The following LPA variants were observed in gnomAD, a reference collection of about 807,000 sequenced individuals.
LPA encodes the protein apolipoprotein(a).
LPA carries 199 observed loss-of-function variants against 197.9 expected under a neutral mutation model. The observed-to-expected ratio is 1.01, with a 90% CI of 0.90 to 1.13. The LOEUF (loss-of-function observed/expected upper bound fraction) is 1.13. LPA is among the 50% of genes most tolerant of loss of function. LPA has a pLI of 0.00. For missense variants in LPA, 1,853 were observed against 1,785.8 expected (o/e 1.04, Z -0.68); for synonymous variants, 715 against 639.5 (o/e 1.12, Z -1.78).
In LPA at chr6:160,537,866, C is replaced by G. The variant is rs201962872; in HGVS notation, c.5831G>C (p.Gly1944Ala). Reference protein sequence around the residue: ...ARTECYITGWGETQGTFGTGL... With the variant: ...ARTECYITGWAETQGTFGTGL... ...GGAATTGATCTCACCTTGGGTTTCT[C>G]CCCAGCCAGTGATGTAACATTCAGT... is the stretch of plus-strand genomic sequence containing the variant. The change falls in exon 37 of 39, where the codon GGA becomes GCA. Residue 1944 changes from glycine to alanine, a missense_variant. By Grantham distance (60) the Gly-to-Ala change is moderately conservative. Coordinates refer to ENST00000316300, the MANE Select transcript of LPA (RefSeq NM_005577.4). 9 of 1,614,116 alleles carry G rather than the reference C, an allele frequency of 5.6e-6. No individual in the cohort carries two copies. Among genetic ancestry groups the G allele is most frequent in the Non-Finnish European group, 7.6e-6 (9 of 1,179,968 alleles).
At chr6:160,573,062 C>T (rs1323398450) in intron 28 of LPA, among the ~76,000 whole-genome samples, 1 of 152,054 alleles carries the variant, frequency 6.6e-6, no homozygotes, top group Non-Finnish European at 1.5e-5. Context: ...TCCTCAGGAG[C>T]CACGATTATT....
At chr6:160,589,810 A>C (rs1245059957) in intron 23 of LPA, 98 bp from the exon 24 acceptor site, 1 of 1,375,406 alleles carries the variant, frequency 7.3e-7, no homozygotes, top group Non-Finnish European at 1.0e-6. Context: ...ATCTCTGAAA[A>C]TGACGACCAT....
At chr6:160,647,426 G>T (rs1779915507) in intron 2 of LPA, among the ~76,000 whole-genome samples, 1 of 152,044 alleles carries the variant, frequency 6.6e-6, no homozygotes. Context: ...TATGGGCCAT[G>T]GGGATCCAAC....
chr6:160,600,794 A>G, intron 19 of LPA, 123 bp downstream of exon 19: 3 of 1,137,718 alleles, frequency 2.6e-6, no homozygotes, highest in Non-Finnish European at 3.9e-6. Flanking sequence ...TTCCTCCCAC[A>G]TGGCAGACCC....
At chr6:160,634,990 TC>T (rs1355515958) in intron 7 of LPA, 132 bp downstream of exon 7, 36 of 1,504,504 alleles carry the variant, frequency 2.4e-5, no homozygotes, top group South Asian at 3.4e-5. Context: ...CACGGAGGCT[TC>T]CCCCAACATG....
Position 160,648,558 on chromosome 6 carries a change from G to A in LPA, c.209+1780C>T, listed in dbSNP as rs569828123. 1.8e-4 allele frequency among the ~76,000 whole-genome samples: 27 copies of A among 151,960 alleles called. No individual in the cohort carries two copies. In the South Asian group the frequency reaches 5.6e-3, roughly 32 times the overall value. On this transcript the variant is annotated intron_variant, in intron 2 of 38. Coordinates refer to ENST00000316300, the MANE Select transcript of LPA (RefSeq NM_005577.4). ...ATTTCATTTTTCAGCATTTGTGGAT[G>A]TGTGTGTGTGTTTGTAAGCTTATAC... is the stretch of plus-strand genomic sequence containing the variant.
chr6:160,593,113 A>T (rs1258111970), intron 22 of LPA, among the ~76,000 whole-genome samples: 2 of 152,170 alleles, frequency 1.3e-5, no homozygotes, highest in African/African-American at 4.8e-5. Context: ...AGCCTAGAAT[A>T]CGTCAGATGC....
chr6:160,652,438 C>A (rs1309434094), intron 1 of LPA, among the ~76,000 whole-genome samples: 2 of 152,078 alleles, frequency 1.3e-5, no homozygotes, highest in Admixed American at 1.3e-4. Context: ...AGTATCTATA[C>A]TCAGCAAAAT....
intron 30 of LPA, among the ~76,000 whole-genome samples, chr6:160,555,000 T>A (rs1778230798): frequency 3.3e-5 from 5 of 152,232 alleles, no homozygotes; most frequent in Admixed American, 3.3e-4. Flanking sequence ...CTGTACTGTC[T>A]CTTGTCCAAC....
chr6:160,584,218 CTTCTTCTTCTTCTTCT>C (rs1778855871), intron 26 of LPA, among the ~76,000 whole-genome samples: 1 of 121,344 alleles, frequency 8.2e-6, no homozygotes. Flanking sequence ...TCTTCTTCTT[CTTCTTCTTCTTCTTCT>C]TCTTCCTCCT....
intron 21 of LPA, 24 bp downstream of exon 21, chr6:160,595,330 G>A: frequency 1.9e-6 from 3 of 1,610,448 alleles, no homozygotes; most frequent in Non-Finnish European, 2.5e-6. Context: ...CTAGGGTGTG[G>A]TTGTCTGGCC....
Position 160,578,556 on chromosome 6 carries a change from G to C in LPA, c.4438C>G (p.Pro1480Ala), listed in dbSNP as rs1393526658. The change falls in exon 27 of 39, where the codon CCG (proline) becomes GCG (alanine). Residue 1480 changes from proline (P) to alanine (A), a missense_variant. Physicochemically the swap from Pro to Ala is conservative, Grantham distance 27 (BLOSUM62 -1). Around this residue, in one of 3 missense-constraint regions of LPA, gnomAD observed 1,737 missense variants for 1,504.4 expected, o/e 1.15. Transcript: ENST00000316300. ...SSVLTTPTVA[P>A]VPSTEAPSEQ... Reference sequence around the variant, plus strand: ...GAAGGAGCCTCTGTGCTTGGAACCGGGGCCACTGTGGGAGTTGTGAGGACA... The same window carrying C: ...GAAGGAGCCTCTGTGCTTGGAACCGCGGCCACTGTGGGAGTTGTGAGGACA... 5.0e-6 allele frequency: 8 copies of C among 1,613,868 alleles called. No individual in the cohort carries two copies. The highest frequency in any genetic ancestry group is 5.9e-6 in the Non-Finnish European group (7 of 1,179,788).
At position 160,606,630 on chromosome 6, in the gene LPA, G is replaced by A. The variant is rs1190907967; in HGVS notation, c.2632C>T (p.Pro878Ser). 1 of 1,613,886 alleles carries A rather than the reference G, an allele frequency of 6.2e-7. No homozygotes were observed. Among genetic ancestry groups the A allele is most frequent in the Non-Finnish European group, 8.5e-7 (1 of 1,179,974 alleles). ...CAATAAGGGGCTGCCACAGGATCTG[G>A]ATTCCTGCAGTAGTTCATGATCAAG... ...AGLIMNYCRN[P>S]DPVAAPYCYT... The change falls in exon 17 of 39, where the codon CCA (proline) becomes TCA (serine). Residue 878 changes from proline (P) to serine (S), a missense_variant. This residue lies in a region of LPA where 1,737 missense variants were observed against 1,504.4 expected (regional missense o/e 1.15). Coordinates refer to ENST00000316300, the MANE Select transcript of LPA (RefSeq NM_005577.4).
At chr6:160,652,404 T>C (rs560186441) in intron 1 of LPA, among the ~76,000 whole-genome samples, 12 of 152,250 alleles carry the variant, frequency 7.9e-5, no homozygotes, top group African/African-American at 2.6e-4. Context: ...GTTAAAATGA[T>C]ACAAGGAATG....
At chr6:160,584,697 A>C (rs1016550239) in intron 26 of LPA, among the ~76,000 whole-genome samples, 1 of 152,092 alleles carries the variant, frequency 6.6e-6, no homozygotes, top group South Asian at 2.1e-4. Context: ...GGAATGGAGG[A>C]TAGAATGATA....
intron 17 of LPA, among the ~76,000 whole-genome samples, 200 bp downstream of exon 17, chr6:160,606,277 G>T (rs1779348523): frequency 6.6e-6 from 1 of 152,156 alleles, no homozygotes; most frequent in African/African-American, 2.4e-5. Flanking sequence ...CAATTCTAAA[G>T]ACACAGCCCA....
chr6:160,581,178 A>G (rs540921730), intron 26 of LPA, among the ~76,000 whole-genome samples: 8 of 152,128 alleles, frequency 5.3e-5, no homozygotes, highest in Non-Finnish European at 1.0e-4. Context: ...TTGGAAAAAA[A>G]TTTCCTCATT....
chr6:160,535,211 C>G (rs200796704), intron 37 of LPA, among the ~76,000 whole-genome samples: 11 of 80 alleles, frequency 0.14, 2 homozygotes, highest in African/African-American at 0.15. Flanking sequence ...AATGATAATA[C>G]AGATGAGGAA....
At chr6:160,571,065 C>T (rs1269292396) in intron 28 of LPA, among the ~76,000 whole-genome samples, 1 of 152,232 alleles carries the variant, frequency 6.6e-6, no homozygotes, top group East Asian at 1.9e-4. Context: ...TTGTTCATTC[C>T]TTTTCATTCT....
Sources: allele counts gnomAD v4.1 joint callset (sites outside exome capture counted in the v4.1 genomes callset), GRCh38; gene constraint gnomAD v4.1.1; regional missense constraint gnomAD v4.1.1; transcripts MANE v1.5; gene names NCBI Gene and HGNC (gene_info 2026-07-23, HGNC 2026-07-21).